Variants in BFSP2 observed in about 807,000 individuals in gnomAD.
BFSP2 encodes the protein phakinin.
BFSP2 carries 38 observed loss-of-function variants against 44.9 expected under a neutral mutation model. That is an observed-to-expected ratio of 0.85 (90% CI 0.65 to 1.11). BFSP2 has a LOEUF of 1.11. BFSP2 is among the 50% of genes least tolerant of loss of function. The pLI is 0.00. For missense variants in BFSP2, 525 were observed against 533.0 expected (o/e 0.99, Z 0.15); for synonymous variants, 197 against 209.9 (o/e 0.94, Z 0.53).
intron 4 of BFSP2, among the ~76,000 whole-genome samples, chr3:133,463,032 G>T (rs1450694201): frequency 6.6e-6 from 1 of 152,184 alleles, no homozygotes; most frequent in Non-Finnish European, 1.5e-5. Context: ...GCAGAGACCG[G>T]GTGCGGTGGC....
rs147899043 is a variant in BFSP2, at chr3:133,403,386, G to T, written c.489+2814G>T. 9.2e-5 allele frequency among the ~76,000 whole-genome samples: 14 copies of T among 152,214 alleles called. No homozygotes were observed. The East Asian group carries it at 2.5e-3, about 27-fold the overall frequency. On this transcript the variant is annotated intron_variant, in intron 1 of 6. Coordinates refer to ENST00000302334, the MANE Select transcript of BFSP2 (RefSeq NM_003571.4). Reference sequence around the variant, plus strand: ...CCCCCTTGTCCACAGAACTCCTCCTGGTCCTGCAGCTCAGTTCCATGGCAA... The same window carrying T: ...CCCCCTTGTCCACAGAACTCCTCCTTGTCCTGCAGCTCAGTTCCATGGCAA...
chr3:133,414,603 TCTA>T (rs1385823833), intron 1 of BFSP2, among the ~76,000 whole-genome samples: 1 of 94,506 alleles, frequency 1.1e-5, no homozygotes, highest in African/African-American at 4.2e-5. Context: ...TCCTCTCCCC[TCTA>T]CTTATACCTG....
At chr3:133,457,512 T>G (rs1171756485) in intron 4 of BFSP2, among the ~76,000 whole-genome samples, 1 of 152,242 alleles carries the variant, frequency 6.6e-6, no homozygotes, top group Non-Finnish European at 1.5e-5. Context: ...TTTTCTTGTA[T>G]GTCATTTCAG....
intron 1 of BFSP2, among the ~76,000 whole-genome samples, chr3:133,408,130 T>C (rs770824262): frequency 9.9e-5 from 15 of 152,266 alleles, no homozygotes; most frequent in Admixed American, 3.3e-4. Context: ...TACAAAAGGT[T>C]AAAATAGCCC....
chr3:133,447,879 A>C (rs1238970366), intron 2 of BFSP2, among the ~76,000 whole-genome samples: 2 of 152,238 alleles, frequency 1.3e-5, no homozygotes, highest in African/African-American at 4.8e-5. Context: ...TGCAGTGCAC[A>C]AGCCATAGAC....
intron 1 of BFSP2, among the ~76,000 whole-genome samples, chr3:133,437,182 C>G (rs989688642): frequency 9.2e-5 from 14 of 152,142 alleles, no homozygotes; most frequent in African/African-American, 3.4e-4. Flanking sequence ...AATTGCCACA[C>G]TGTCTTCCAC....
At chr3:133,456,226 G>C (rs1157479629) in intron 4 of BFSP2, among the ~76,000 whole-genome samples, 1 of 152,202 alleles carries the variant, frequency 6.6e-6, no homozygotes, top group Non-Finnish European at 1.5e-5. Flanking sequence ...TATCTGAGCT[G>C]TAACCATCAT....
chr3:133,418,960 A>C (rs930926085), intron 1 of BFSP2, among the ~76,000 whole-genome samples: 5 of 152,234 alleles, frequency 3.3e-5, no homozygotes, highest in African/African-American at 1.2e-4. Context: ...TTGGGCTGCC[A>C]GAACAAAGGC....
In BFSP2 at chr3:133,448,396, C is replaced by T. The variant is rs151162109; in HGVS notation, c.573-93C>T. ...GTGACTTTTACCATTCATTGTCTAACTATCACATAATTGGCCTGTTGGTAA... is the reference window on the plus strand; with the variant it reads ...GTGACTTTTACCATTCATTGTCTAATTATCACATAATTGGCCTGTTGGTAA... On this transcript the variant is annotated intron_variant, in intron 2 of 6. Transcript: ENST00000302334. 9 of 1,448,210 alleles carry T rather than the reference C, an allele frequency of 6.2e-6. No individual in the cohort carries two copies. The Admixed American group carries it at 1.4e-4, about 22-fold the overall frequency. The allele number at this position is 1,448,210 out of a possible 1,614,324, so 89.7% of individuals were successfully genotyped here.
intron 5 of BFSP2, among the ~76,000 whole-genome samples, chr3:133,469,988 T>C (rs531605069): frequency 1.3e-5 from 2 of 151,700 alleles, no homozygotes; most frequent in African/African-American, 4.8e-5. Context: ...ACAAATCCAA[T>C]GTCAACAACA....
chr3:133,444,435 C>T (rs1338635089), intron 1 of BFSP2, among the ~76,000 whole-genome samples: 1 of 152,154 alleles, frequency 6.6e-6, no homozygotes, highest in African/African-American at 2.4e-5. Flanking sequence ...GAATTACTTA[C>T]TCTAAGCAAC....
intron 4 of BFSP2, among the ~76,000 whole-genome samples, chr3:133,453,877 G>A (rs2073989508): frequency 6.6e-6 from 1 of 152,230 alleles, no homozygotes; most frequent in South Asian, 2.1e-4. Context: ...AATTTATTAA[G>A]AGGTTCTGGC....
Position 133,400,921 on chromosome 3 carries a change from T to C in BFSP2, c.489+349T>C, listed in dbSNP as rs1012838641. 6.6e-6 allele frequency among the ~76,000 whole-genome samples: 1 copy of C among 152,234 alleles called. No individual in the cohort carries two copies. Among genetic ancestry groups the C allele is most frequent in the African/African-American group, 2.4e-5 (1 of 41,456 alleles). On this transcript the variant is annotated intron_variant, in intron 1 of 6. Coordinates refer to ENST00000302334, the MANE Select transcript of BFSP2 (RefSeq NM_003571.4). The surrounding 1 kb of genome is among the most constrained non-coding windows in gnomAD (Gnocchi z 4.0). ...GGAGATGAGATTTGAACCTGAATTTTTGTGCCTCCAAAGTTGCATTTGCCC... is the reference window on the plus strand; with the variant it reads ...GGAGATGAGATTTGAACCTGAATTTCTGTGCCTCCAAAGTTGCATTTGCCC...
intron 1 of BFSP2, among the ~76,000 whole-genome samples, chr3:133,420,322 C>A (rs1650132122): frequency 2.0e-5 from 3 of 152,092 alleles, no homozygotes; most frequent in African/African-American, 7.2e-5. Context: ...GATTGGGGAT[C>A]TTAATAATCT....
intron 4 of BFSP2, among the ~76,000 whole-genome samples, chr3:133,452,616 A>G (rs1429060147): frequency 6.6e-6 from 1 of 152,192 alleles, no homozygotes. Flanking sequence ...TTTAGGTGTG[A>G]GGAAACTGAG....
chr3:133,420,936 T>C (rs1395885441), intron 1 of BFSP2, among the ~76,000 whole-genome samples: 1 of 152,228 alleles, frequency 6.6e-6, no homozygotes, highest in Non-Finnish European at 1.5e-5. Context: ...CAAGTCCAGC[T>C]GACTCCTTCC....
chr3:133,400,711 TAAC>T lies in BFSP2; in HGVS notation c.489+145_489+147del, dbSNP rs1164991904. ...ACTTTCACACTTAAAATGGTAATGATAACAACAATGCTACCTTTTACCGAGGTT... is the reference window on the plus strand; with the variant it reads ...ACTTTCACACTTAAAATGGTAATGATAACAATGCTACCTTTTACCGAGGTT... On this transcript the variant is annotated intron_variant, in intron 1 of 6. Coordinates refer to ENST00000302334, the MANE Select transcript of BFSP2 (RefSeq NM_003571.4). This position sits in a 1 kb window ranked among gnomAD's most constrained non-coding sequence, Gnocchi z 4.0. The T allele has an allele frequency of 5.1e-6, 7 of 1,371,104 alleles. No individual in the cohort carries two copies. Among genetic ancestry groups the T allele is most frequent in the Non-Finnish European group, 5.9e-6 (6 of 1,009,906 alleles). The allele number at this position is 1,371,104 out of a possible 1,614,324, so 84.9% of individuals were successfully genotyped here. A position where few individuals can be genotyped will look rare whatever the true frequency, so the allele number is the denominator to read the frequency against.
intron 1 of BFSP2, among the ~76,000 whole-genome samples, chr3:133,431,625 G>C (rs1338281085): frequency 2.0e-5 from 3 of 152,248 alleles, no homozygotes; most frequent in Admixed American, 1.3e-4. Context: ...CAGAAGCCCC[G>C]CAGACCATCA....
chr3:133,456,892 G>A (rs1370282756), intron 4 of BFSP2, among the ~76,000 whole-genome samples: 1 of 151,858 alleles, frequency 6.6e-6, no homozygotes, highest in African/African-American at 2.4e-5. Context: ...TAGAAACCTT[G>A]AATAGCATCT....
Sources: allele counts gnomAD v4.1 joint callset (sites outside exome capture counted in the v4.1 genomes callset), GRCh38; gene constraint gnomAD v4.1.1; non-coding constraint Gnocchi (gnomAD v3.1); transcripts MANE v1.5; gene names NCBI Gene and HGNC (gene_info 2026-07-23, HGNC 2026-07-21).